The following SPATA13 variants were observed in gnomAD, a reference collection of about 807,000 sequenced individuals.
SPATA13 encodes the protein spermatogenesis associated 13.
Under a neutral mutation model 104.0 loss-of-function variants are expected in SPATA13, and 50 were observed. That is an observed-to-expected ratio of 0.48 (90% CI 0.38 to 0.61). The LOEUF (loss-of-function observed/expected upper bound fraction) is 0.61, where lower values mean the gene tolerates loss of function less well. Among genes scored for constraint, SPATA13 ranks in the 20% least tolerant of loss-of-function variants. The pLI is 0.00. For missense variants in SPATA13, 1,524 were observed against 1,690.6 expected, an observed-to-expected ratio of 0.90 and a Z score of 1.73; for synonymous variants, 606 against 667.5, an observed-to-expected ratio of 0.91 and a Z score of 1.42.
chr13:24,092,092 T>C (rs1305839279), intron 3 of SPATA13, among the ~76,000 whole-genome samples: 3 of 152,232 alleles, frequency 2.0e-5, no homozygotes, highest in Non-Finnish European at 2.9e-5. Flanking sequence ...TGCAGTATTT[T>C]GAAAAACTTG....
chr13:24,237,182 C>A (rs1019545908), intron 2 of SPATA13, among the ~76,000 whole-genome samples: 2 of 151,976 alleles, frequency 1.3e-5, no homozygotes, highest in Non-Finnish European at 2.9e-5. Context: ...ATGGTGAAAC[C>A]CCATCTCTAC....
chr13:24,128,597 C>T (rs1418782430), intron 3 of SPATA13, among the ~76,000 whole-genome samples: 1 of 152,072 alleles, frequency 6.6e-6, no homozygotes, highest in Non-Finnish European at 1.5e-5. Flanking sequence ...CACAGCCACG[C>T]CGGGCCCCAG....
rs763458774 is a variant in SPATA13, at chr13:24,223,240, C to T, written c.311C>T (p.Thr104Ile). ...VLVGNSSTWN[T>I]LASFRKMGSF... is the part of the protein sequence containing the mutation. ...GTGGGGAACTCCTCCACATGGAACA[C>T]CCTCGCCTCCTTCCGGAAAATGGGA... The change falls in exon 2 of 13, where the codon ACC (threonine) becomes ATC (isoleucine). Residue 104 changes from threonine (T) to isoleucine (I), a missense_variant. Coordinates refer to ENST00000382108, the MANE Select transcript of SPATA13 (RefSeq NM_001166271.3). The T allele has an allele frequency of 3.2e-6, 5 of 1,551,720 alleles. No homozygotes were observed. The highest frequency in any genetic ancestry group is 4.4e-6 in the Non-Finnish European group (5 of 1,147,012).
At chr13:24,302,522 G>A in intron 12 of SPATA13, 76 bp from the exon 13 acceptor site, 2 of 803,020 alleles carry the variant, frequency 2.5e-6, no homozygotes, top group South Asian at 2.3e-5. Context: ...TGGAGTCTCA[G>A]CATTTTTATT....
chr13:24,246,605 A>G (rs886613986), intron 2 of SPATA13, among the ~76,000 whole-genome samples: 19 of 152,184 alleles, frequency 1.2e-4, no homozygotes, highest in African/African-American at 4.6e-4. Context: ...CACGCCTGTA[A>G]TCCCAGCACT....
rs146854047 is a variant in SPATA13 at position 24,072,191 on chromosome 13, C to T, written c.-112+54490C>T. 7.1e-3 allele frequency among the ~76,000 whole-genome samples: 1,081 copies of T among 152,212 alleles called. 16 individuals carry two copies. Among genetic ancestry groups the T allele is most frequent in the African/African-American group, 0.025 (1,039 of 41,530 alleles). On this transcript the variant is annotated intron_variant, in intron 3 of 14. Transcript: ENST00000424834. ...GAATGTAAAATGGCTTGTAACTAAC[C>T]CTAGACATACAGAACAAACAATGTA...
intron 3 of SPATA13, among the ~76,000 whole-genome samples, chr13:24,081,933 T>C (rs1879534482): frequency 6.6e-6 from 1 of 152,224 alleles, no homozygotes; most frequent in South Asian, 2.1e-4. Context: ...TCTGGGAGTC[T>C]ATTCCCAGGA....
intron 1 of SPATA13, among the ~76,000 whole-genome samples, chr13:24,190,518 T>A (rs1442593779): frequency 2.7e-5 from 4 of 150,654 alleles, no homozygotes; most frequent in African/African-American, 9.8e-5. Flanking sequence ...AATACCACCC[T>A]TAACAGGAAT....
chr13:24,119,051 G>A (rs900735248), intron 3 of SPATA13, among the ~76,000 whole-genome samples: 7 of 151,984 alleles, frequency 4.6e-5, no homozygotes, highest in African/African-American at 1.7e-4. Flanking sequence ...GCCTGCAGGC[G>A]CCTGCCACCG....
intron 2 of SPATA13, among the ~76,000 whole-genome samples, chr13:23,988,210 G>A (rs1242813622): frequency 1.3e-5 from 2 of 152,208 alleles, no homozygotes; most frequent in Non-Finnish European, 2.9e-5. Flanking sequence ...GCCTCCTGAA[G>A]TGCTGGGATT....
At chr13:24,122,428 T>TACCAGTCTTCATCGTCTCC in intron 3 of SPATA13, 1 of 1,594,856 alleles carries the variant, frequency 6.3e-7, no homozygotes, top group South Asian at 1.1e-5. Flanking sequence ...ATCATCTTCT[T>TACCAGTCTTCATCGTCTCC]ACCAGTCTTC....
chr13:24,231,120 G>A (rs965431572), intron 2 of SPATA13, among the ~76,000 whole-genome samples: 4 of 152,148 alleles, frequency 2.6e-5, no homozygotes, highest in African/African-American at 9.7e-5. Flanking sequence ...CTAGGCCACA[G>A]CTGATGGGCT....
chr13:24,245,242 A>G (rs1008409177), intron 2 of SPATA13, among the ~76,000 whole-genome samples: 3 of 152,248 alleles, frequency 2.0e-5, no homozygotes, highest in African/African-American at 7.2e-5. Flanking sequence ...CATTCCCTGG[A>G]ATGAACCTGG....
rs1423315922 is a variant in SPATA13, at chr13:24,286,209, T to C, written c.2302-5T>C. On this transcript the variant is annotated splice_polypyrimidine_tract_variant and splice_region_variant and intron_variant, in intron 5 of 12. Coordinates refer to ENST00000382108, the MANE Select transcript of SPATA13 (RefSeq NM_001166271.3). The surrounding 1 kb of genome is among the most constrained non-coding windows in gnomAD (Gnocchi z 4.9). ...TGCTGAGCGCACCCCACTGTCTCCT[T>C]TCAGCTGATCAGTGATGGCAACGTG... is the stretch of plus-strand genomic sequence containing the variant. The C allele has an allele frequency of 2.5e-6, 4 of 1,608,376 alleles. No individual in the cohort carries two copies. The Admixed American group carries it at 5.0e-5, about 20-fold the overall frequency.
chr13:24,134,266 G>A (rs1198394848), intron 3 of SPATA13, among the ~76,000 whole-genome samples: 1 of 152,130 alleles, frequency 6.6e-6, no homozygotes, highest in Non-Finnish European at 1.5e-5. Flanking sequence ...TTGATATGTT[G>A]GTTTCTGGGG....
chr13:24,206,841 G>A (rs1188190521), intron 1 of SPATA13, among the ~76,000 whole-genome samples: 5 of 149,156 alleles, frequency 3.4e-5, no homozygotes, highest in South Asian at 2.1e-4. Context: ...GCAGTAAGCT[G>A]AGATTGTGCT....
At chr13:24,107,976 T>C (rs754178216) in intron 3 of SPATA13, among the ~76,000 whole-genome samples, 7 of 152,218 alleles carry the variant, frequency 4.6e-5, no homozygotes, top group Non-Finnish European at 8.8e-5. Flanking sequence ...AACTGGGTTA[T>C]TTATAAAGAA....
At chr13:24,258,304 G>A (rs1235150139) in intron 4 of SPATA13, among the ~76,000 whole-genome samples, 1 of 141,904 alleles carries the variant, frequency 7.0e-6, no homozygotes, top group Non-Finnish European at 1.5e-5. Context: ...AAGTGTCACA[G>A]ATGTGTGAAA....
intron 3 of SPATA13, among the ~76,000 whole-genome samples, chr13:24,117,217 T>C (rs535480317): frequency 1.3e-5 from 2 of 152,324 alleles, no homozygotes; most frequent in African/African-American, 2.4e-5. Context: ...CAAATCTACA[T>C]ACAGATTTAG....
Sources: allele counts gnomAD v4.1 joint callset (sites outside exome capture counted in the v4.1 genomes callset), GRCh38; gene constraint gnomAD v4.1.1; non-coding constraint Gnocchi (gnomAD v3.1); transcripts MANE v1.5; gene names NCBI Gene and HGNC (gene_info 2026-07-23, HGNC 2026-07-21).